Variants in XKR4 observed in about 807,000 individuals in gnomAD.
XKR4 encodes the protein XK-related protein 4.
XKR4 carries 12 observed loss-of-function variants against 53.9 expected under a neutral mutation model. That is an observed-to-expected ratio of 0.22 (90% CI 0.14 to 0.36). XKR4 has a LOEUF of 0.36. Ranked by LOEUF, XKR4 falls within the 10% of genes least tolerant of loss-of-function variation. The pLI is 1.00. For synonymous variants in XKR4, 354 were observed against 362.4 expected (o/e 0.98, Z 0.26); for missense variants, 799 against 859.5 (o/e 0.93, Z 0.88).
intron 1 of XKR4, among the ~76,000 whole-genome samples, chr8:55,193,344 C>T (rs1817467501): frequency 6.6e-6 from 1 of 152,012 alleles, no homozygotes; most frequent in Non-Finnish European, 1.5e-5. Flanking sequence ...GTCCTTCTTC[C>T]CTCCCCAGGT....
intron 2 of XKR4, among the ~76,000 whole-genome samples, chr8:55,516,950 A>G (rs1027816277): frequency 6.6e-6 from 1 of 152,214 alleles, no homozygotes; most frequent in Admixed American, 6.5e-5. Flanking sequence ...AGGCATAAAA[A>G]AGACTGAAAT....
chr8:55,301,430 A>G (rs1457354767), intron 1 of XKR4, among the ~76,000 whole-genome samples: 1 of 151,912 alleles, frequency 6.6e-6, no homozygotes, highest in South Asian at 2.1e-4. Context: ...AGTCTTTGCT[A>G]TTGTGAATAG....
At chr8:55,220,102 G>A (rs1007551410) in intron 1 of XKR4, among the ~76,000 whole-genome samples, 4 of 152,088 alleles carry the variant, frequency 2.6e-5, no homozygotes, top group Non-Finnish European at 5.9e-5. Flanking sequence ...TTGGTGAGGT[G>A]ATAGATATGT....
chr8:55,409,515 G>T (rs76629943), intron 2 of XKR4, among the ~76,000 whole-genome samples: 1 of 152,140 alleles, frequency 6.6e-6, no homozygotes, highest in Non-Finnish European at 1.5e-5. Flanking sequence ...CTCAACAAGC[G>T]TAGAGACTGA....
intron 1 of XKR4, among the ~76,000 whole-genome samples, chr8:55,110,747 C>T (rs1384771021): frequency 6.6e-6 from 1 of 152,114 alleles, no homozygotes; most frequent in Non-Finnish European, 1.5e-5. Context: ...TCATTGAATT[C>T]TTACCTATAC....
chr8:55,220,665 C>G (rs1221884345), intron 1 of XKR4, among the ~76,000 whole-genome samples: 2 of 152,290 alleles, frequency 1.3e-5, no homozygotes, highest in Admixed American at 1.3e-4. Context: ...CATTTTTGCT[C>G]TCAAACCCAG....
At chr8:55,121,135 G>A (rs1387004709) in intron 1 of XKR4, among the ~76,000 whole-genome samples, 1 of 152,202 alleles carries the variant, frequency 6.6e-6, no homozygotes, top group African/African-American at 2.4e-5. Context: ...CATCTTGGTT[G>A]CTTCCAAATT....
chr8:55,370,028 C>T (rs796563019), intron 2 of XKR4, among the ~76,000 whole-genome samples: 18 of 152,164 alleles, frequency 1.2e-4, no homozygotes, highest in African/African-American at 3.6e-4. Context: ...CCAGTGTACT[C>T]CAGTCTGGGT....
Position 55,537,204 on chromosome 8 carries a change from T to A in XKR4, c.*12977T>A, listed in dbSNP as rs577596779. 6.6e-5 allele frequency: 10 copies of A among 152,242 alleles called. No individual in the cohort carries two copies. Among genetic ancestry groups the A allele is most frequent in the Non-Finnish European group, 1.3e-4 (9 of 68,044 alleles). 9.4% of individuals were successfully genotyped at this position (152,242 alleles called of 1,614,324 possible). On this transcript the variant is annotated 3_prime_UTR_variant, in exon 3 of 3. Transcript: ENST00000327381. The stretch of plus-strand genomic sequence containing the variant: ...ACAAACATGGGAATATTTAGTGATA[T>A]CTTTGTAGTCATCGTTAAAATTCCT...
intron 1 of XKR4, among the ~76,000 whole-genome samples, chr8:55,258,277 C>G (rs1554572830): frequency 6.6e-6 from 1 of 152,170 alleles, no homozygotes; most frequent in Non-Finnish European, 1.5e-5. Context: ...TGGGTGCATC[C>G]TCACGTGTAG....
intron 1 of XKR4, among the ~76,000 whole-genome samples, chr8:55,168,700 T>G (rs1182498076): frequency 6.6e-6 from 1 of 152,220 alleles, no homozygotes; most frequent in Non-Finnish European, 1.5e-5. Flanking sequence ...AAAAATTCTA[T>G]CAGCTCATCC....
chr8:55,417,642 GAAC>G (rs1804869798), intron 2 of XKR4, among the ~76,000 whole-genome samples: 1 of 152,204 alleles, frequency 6.6e-6, no homozygotes, highest in South Asian at 2.1e-4. Flanking sequence ...CACAAAAGTA[GAAC>G]AACATATCCG....
chr8:55,311,829 C>CAAAAAAAAAAAA (rs57826022), intron 1 of XKR4, among the ~76,000 whole-genome samples: 134 of 98,472 alleles, frequency 1.4e-3, no homozygotes, highest in Non-Finnish European at 1.9e-3. Flanking sequence ...TGTAATTTAG[C>CAAAAAAAAAAAA]AAAAAAAAAA....
intron 1 of XKR4, among the ~76,000 whole-genome samples, chr8:55,197,752 C>A (rs1817524296): frequency 6.6e-6 from 1 of 152,060 alleles, no homozygotes; most frequent in Admixed American, 6.6e-5. Flanking sequence ...ATTGTGTTAG[C>A]CAGGATGGTC....
chr8:55,473,283 ATTG>A (rs748199315), intron 2 of XKR4, among the ~76,000 whole-genome samples: 3 of 152,104 alleles, frequency 2.0e-5, no homozygotes, highest in Non-Finnish European at 4.4e-5. Context: ...GGAAAGTGTT[ATTG>A]TTCTTGTTTA....
chr8:55,451,270 C>T (rs1805437595), intron 2 of XKR4: 1 of 585,340 alleles, frequency 1.7e-6, no homozygotes, highest in African/African-American at 1.9e-5. Flanking sequence ...CAGACACTGC[C>T]CCCACTTACC....
chr8:55,204,302 C>G (rs114349903), intron 1 of XKR4, among the ~76,000 whole-genome samples: 1 of 152,102 alleles, frequency 6.6e-6, no homozygotes, highest in Non-Finnish European at 1.5e-5. Flanking sequence ...CAAATCACAA[C>G]GACAAGCAGC....
chr8:55,197,329 G>C (rs1227418028), intron 1 of XKR4, among the ~76,000 whole-genome samples: 1 of 152,162 alleles, frequency 6.6e-6, no homozygotes, highest in East Asian at 1.9e-4. Flanking sequence ...ATACCATTTA[G>C]TAGGATGCGT....
intron 1 of XKR4, among the ~76,000 whole-genome samples, chr8:55,316,810 T>G (rs79160533): frequency 0.011 from 1,678 of 152,324 alleles, 31 homozygotes; most frequent in African/African-American, 0.038. Context: ...TGGTTTGGAC[T>G]GAATTAAAAT....
Sources: allele counts gnomAD v4.1 joint callset (sites outside exome capture counted in the v4.1 genomes callset), GRCh38; gene constraint gnomAD v4.1.1; transcripts MANE v1.5; gene names NCBI Gene and HGNC (gene_info 2026-07-23, HGNC 2026-07-21).